Variants in MARCHF1 observed in about 807,000 individuals in gnomAD.
The protein encoded by MARCHF1 is E3 ubiquitin-protein ligase MARCHF1.
Under a neutral mutation model 54.2 loss-of-function variants are expected in MARCHF1, and 40 were observed. The observed-to-expected ratio is 0.74, with a 90% CI of 0.57 to 0.96. MARCHF1 has a LOEUF of 0.96. Among genes scored for constraint, MARCHF1 ranks in the 40% least tolerant of loss-of-function variants. The pLI is 0.00. For synonymous variants in MARCHF1, 236 were observed against 236.3 expected, an observed-to-expected ratio of 1.00 and a Z score of 0.01; for missense variants, 586 against 656.5, an observed-to-expected ratio of 0.89 and a Z score of 1.17.
intron 1 of MARCHF1, among the ~76,000 whole-genome samples, chr4:164,381,620 C>T (rs1454887961): frequency 6.6e-6 from 1 of 152,134 alleles, no homozygotes; most frequent in Non-Finnish European, 1.5e-5. Flanking sequence ...TTGATCATTG[C>T]TAGCTGATTA....
chr4:164,092,267 A>T (rs976249467), intron 2 of MARCHF1, among the ~76,000 whole-genome samples: 5 of 152,122 alleles, frequency 3.3e-5, no homozygotes, highest in Non-Finnish European at 5.9e-5. Context: ...CTTATTCTGG[A>T]TATGCATCTG....
chr4:163,574,377 G>C (rs1353717163), intron 8 of MARCHF1, among the ~76,000 whole-genome samples: 1 of 151,982 alleles, frequency 6.6e-6, no homozygotes, highest in Non-Finnish European at 1.5e-5. Context: ...TTTTAGACAT[G>C]AAGTCCTTGC....
At chr4:163,779,790 T>C (rs971259110) in intron 4 of MARCHF1, among the ~76,000 whole-genome samples, 1 of 152,130 alleles carries the variant, frequency 6.6e-6, no homozygotes, top group African/African-American at 2.4e-5. Context: ...TCTACCCTAA[T>C]GTTCTCTGTC....
At chr4:163,625,512 T>TA (rs1741838202) in intron 5 of MARCHF1, among the ~76,000 whole-genome samples, 1 of 152,210 alleles carries the variant, frequency 6.6e-6, no homozygotes, top group Non-Finnish European at 1.5e-5. Flanking sequence ...CTGAACTTGG[T>TA]AATAGTTGAA....
chr4:164,383,662 C>T (rs1731443230), intron 1 of MARCHF1: 1 of 152,672 alleles, frequency 6.5e-6, no homozygotes, highest in Admixed American at 6.5e-5. Flanking sequence ...GAGCCCGCCG[C>T]CCGCAGGTTG....
At chr4:164,169,398 C>T (rs972631266) in intron 1 of MARCHF1, among the ~76,000 whole-genome samples, 2 of 152,026 alleles carry the variant, frequency 1.3e-5, no homozygotes, top group Non-Finnish European at 2.9e-5. Context: ...AAAACTCCAA[C>T]TCCATCACAG....
At chr4:163,595,197 A>G (rs1233010581) in intron 7 of MARCHF1, among the ~76,000 whole-genome samples, 1 of 132,776 alleles carries the variant, frequency 7.5e-6, no homozygotes, top group African/African-American at 2.8e-5. Context: ...CTAAATGTCC[A>G]TCAACTTATC....
At chr4:164,220,022 A>G (rs1179834531) in intron 1 of MARCHF1, among the ~76,000 whole-genome samples, 1 of 151,820 alleles carries the variant, frequency 6.6e-6, no homozygotes, top group Non-Finnish European at 1.5e-5. Context: ...GTCACTTTGT[A>G]TGTATCTAAA....
At chr4:164,193,412 C>G (rs1464335758) in intron 1 of MARCHF1, among the ~76,000 whole-genome samples, 1 of 152,016 alleles carries the variant, frequency 6.6e-6, no homozygotes, top group Non-Finnish European at 1.5e-5. Context: ...TCCCAGTTAT[C>G]CAATTCCACG....
At chr4:164,142,549 C>T (rs1159238644) in intron 1 of MARCHF1, among the ~76,000 whole-genome samples, 1 of 151,778 alleles carries the variant, frequency 6.6e-6, no homozygotes, top group Non-Finnish European at 1.5e-5. Flanking sequence ...GAGGCACCCC[C>T]CAGCAGGGGC....
chr4:163,880,418 G>A (rs1188494921), intron 3 of MARCHF1, among the ~76,000 whole-genome samples: 1 of 150,522 alleles, frequency 6.6e-6, no homozygotes, highest in Non-Finnish European at 1.5e-5. Flanking sequence ...AACTTTAAAA[G>A]TAATATAAAT....
In MARCHF1 at chr4:163,877,726, T is replaced by C. The variant is rs573549089; in HGVS notation, c.-38-23557A>G. Among the ~76,000 whole-genome samples, 291 of 152,280 alleles carry C rather than the reference T, an allele frequency of 1.9e-3. 2 individuals are homozygous for C. The highest frequency in any genetic ancestry group is 6.7e-3 in the African/African-American group (279 of 41,566). On this transcript the variant is annotated intron_variant, in intron 3 of 9. Coordinates refer to ENST00000514618, the MANE Select transcript of MARCHF1 (RefSeq NM_001394959.1). ...CTTACATGCAAAATATGTAACAACT[T>C]GGGCACGTCTCACCTTCACAGCTAC... is the stretch of plus-strand genomic sequence containing the variant.
At chr4:163,902,357 A>G (rs1230954372) in intron 3 of MARCHF1, among the ~76,000 whole-genome samples, 1 of 152,240 alleles carries the variant, frequency 6.6e-6, no homozygotes, top group Non-Finnish European at 1.5e-5. Flanking sequence ...TTAGAGACAG[A>G]TGATCACACA....
chr4:163,979,792 A>C (rs1385428507), intron 3 of MARCHF1, among the ~76,000 whole-genome samples: 1 of 151,860 alleles, frequency 6.6e-6, no homozygotes, highest in African/African-American at 2.4e-5. Flanking sequence ...GCATTTTTTC[A>C]TGTGTTTTTT....
Position 163,732,874 on chromosome 4 carries a change from G to A in MARCHF1, c.112-32011C>T, listed in dbSNP as rs183841632. ...CACTATAAGAAATGTTAAAGAAGCCGGATGCGGTGGCTCCCGCCTGTAATC... is the reference window on the plus strand; with the variant it reads ...CACTATAAGAAATGTTAAAGAAGCCAGATGCGGTGGCTCCCGCCTGTAATC... On this transcript the variant is annotated intron_variant, in intron 4 of 9. Transcript: ENST00000514618. Among the ~76,000 whole-genome samples, 446 of 152,052 alleles carry A rather than the reference G, an allele frequency of 2.9e-3. 3 individuals carry two copies. The highest frequency in any genetic ancestry group is 0.011 in the Admixed American group (173 of 15,266).
chr4:164,221,470 A>G (rs1428514371), intron 1 of MARCHF1, among the ~76,000 whole-genome samples: 2 of 152,126 alleles, frequency 1.3e-5, no homozygotes, highest in African/African-American at 4.8e-5. Context: ...TCATTAAAAA[A>G]TTAACGAATT....
chr4:163,792,097 A>G (rs1467061887), intron 4 of MARCHF1, among the ~76,000 whole-genome samples: 1 of 152,180 alleles, frequency 6.6e-6, no homozygotes, highest in African/African-American at 2.4e-5. Context: ...AAATATATCA[A>G]CAAACATAAC....
chr4:163,559,468 A>G (rs1448151508), intron 8 of MARCHF1, among the ~76,000 whole-genome samples: 1 of 152,176 alleles, frequency 6.6e-6, no homozygotes, highest in Non-Finnish European at 1.5e-5. Flanking sequence ...AGAAAAAACC[A>G]CATCCATGTT....
At chr4:163,860,100 T>C (rs186850467) in intron 3 of MARCHF1, among the ~76,000 whole-genome samples, 22 of 152,220 alleles carry the variant, frequency 1.4e-4, no homozygotes, top group Non-Finnish European at 2.9e-4. Context: ...CATTAGAGAA[T>C]TGAAGTTGCA....
Sources: gnomAD v4.1 joint callset for allele counts (sites outside exome capture counted in the v4.1 genomes callset) on GRCh38, gnomAD v4.1.1 for gene constraint, MANE v1.5 for transcripts, NCBI Gene and HGNC (gene_info 2026-07-23, HGNC 2026-07-21) for gene names.